Variants in RFX3 observed in about 807,000 individuals in gnomAD.
RFX3 encodes transcription factor RFX3.
A neutral mutation model predicts 98.6 loss-of-function variants in RFX3; 14 were observed. That is an observed-to-expected ratio of 0.14 (90% CI 0.09 to 0.22). RFX3 has a LOEUF of 0.22. Ranked by LOEUF, RFX3 falls within the 10% of genes least tolerant of loss-of-function variation. The probability of loss-of-function intolerance (pLI) is 1.00; values close to 1 mark genes in which losing one functional copy is unlikely to be tolerated. For missense variants in RFX3, 639 were observed against 926.9 expected (o/e 0.69, Z 4.03); for synonymous variants, 383 against 328.4 (o/e 1.17, Z -1.80).
intron 3 of RFX3, among the ~76,000 whole-genome samples, chr9:3,343,365 G>A (rs1834107179): frequency 1.3e-5 from 2 of 152,274 alleles, no homozygotes; most frequent in African/African-American, 4.8e-5. Flanking sequence ...GTGGGACTCC[G>A]ACTGTGATCC....
intron 14 of RFX3, among the ~76,000 whole-genome samples, chr9:3,252,508 A>G (rs934932552): frequency 1.8e-4 from 27 of 152,206 alleles, no homozygotes; most frequent in African/African-American, 6.3e-4. Flanking sequence ...AAACGAACAC[A>G]GGTGAAGAGT....
At chr9:3,525,359 A>C (rs1000087119) in intron 1 of RFX3, among the ~76,000 whole-genome samples, 2 of 152,368 alleles carry the variant, frequency 1.3e-5, no homozygotes, top group African/African-American at 2.4e-5. Flanking sequence ...ACAAATTCTT[A>C]TCTCTTCACC....
chr9:3,405,120 A>G (rs145184866), intron 1 of RFX3, among the ~76,000 whole-genome samples: 1,695 of 152,222 alleles, frequency 0.011, 31 homozygotes, highest in African/African-American at 0.039. Context: ...CTTCCAAGAC[A>G]TTCATTTTTT....
chr9:3,271,549 CTCTTTCTCTCTCTCTT>C (rs1178242468), intron 9 of RFX3, among the ~76,000 whole-genome samples: 22 of 132,636 alleles, frequency 1.7e-4, no homozygotes, highest in Admixed American at 7.4e-4. Context: ...TTCTCTTTCT[CTCTTTCTCTCTCTCTT>C]TCTTTCTTTC....
At chr9:3,250,683 T>C (rs74385804) in intron 14 of RFX3, among the ~76,000 whole-genome samples, 3,770 of 152,068 alleles carry the variant, frequency 0.025, 162 homozygotes, top group African/African-American at 0.086. Flanking sequence ...AAAGTAAATA[T>C]CATTAAAAAG....
At chr9:3,329,418 AAAAAAAAAAAC>A (rs994275358) in intron 4 of RFX3, among the ~76,000 whole-genome samples, 7 of 149,986 alleles carry the variant, frequency 4.7e-5, no homozygotes, top group African/African-American at 1.5e-4. Context: ...AAAAAAAAAA[AAAAAAAAAAAC>A]AAAAAACCAC....
At chr9:3,458,490 C>A (rs979152129) in intron 1 of RFX3, among the ~76,000 whole-genome samples, 1 of 152,134 alleles carries the variant, frequency 6.6e-6, no homozygotes, top group African/African-American at 2.4e-5. Flanking sequence ...TCAGAAACAT[C>A]AGAATTTACC....
At chr9:3,455,035 C>T (rs1010506072) in intron 1 of RFX3, among the ~76,000 whole-genome samples, 3 of 152,172 alleles carry the variant, frequency 2.0e-5, no homozygotes, top group African/African-American at 7.2e-5. Context: ...CCCTCATCCA[C>T]CCAACTGGAA....
At chr9:3,225,319 A>C (rs41312822) in intron 16 of RFX3, 39 bp from the exon 17 acceptor site, 1 of 1,603,670 alleles carries the variant, frequency 6.2e-7, no homozygotes, top group Non-Finnish European at 8.5e-7. Context: ...CATCGAAGAC[A>C]AATTAGAAAA....
intron 4 of RFX3, among the ~76,000 whole-genome samples, chr9:3,303,999 G>T (rs1302628374): frequency 1.3e-5 from 2 of 151,976 alleles, no homozygotes; most frequent in Non-Finnish European, 2.9e-5. Context: ...GAATGGAAAG[G>T]AAGAAATATG....
chr9:3,464,255 A>G (rs1483690794), intron 1 of RFX3, among the ~76,000 whole-genome samples: 6 of 152,236 alleles, frequency 3.9e-5, no homozygotes, highest in Non-Finnish European at 8.8e-5. Context: ...CCCTTATCAT[A>G]TGACTCAGCA....
chr9:3,311,327 C>G (rs1379194607), intron 4 of RFX3, among the ~76,000 whole-genome samples: 1 of 152,104 alleles, frequency 6.6e-6, no homozygotes, highest in Non-Finnish European at 1.5e-5. Flanking sequence ...TAAGACAGAA[C>G]ATTTCTACTT....
intron 1 of RFX3, among the ~76,000 whole-genome samples, chr9:3,492,425 G>C (rs532150795): frequency 2.0e-5 from 3 of 152,330 alleles, no homozygotes; most frequent in Admixed American, 6.5e-5. Context: ...CCTCTGGCCA[G>C]GTACCTCCTT....
chr9:3,462,976 T>A (rs564871856), intron 1 of RFX3, among the ~76,000 whole-genome samples: 1 of 152,132 alleles, frequency 6.6e-6, no homozygotes, highest in African/African-American at 2.4e-5. Context: ...TATTGTTTAA[T>A]ATATTAATTT....
intron 2 of RFX3, among the ~76,000 whole-genome samples, chr9:3,365,892 G>C (rs992206085): frequency 8.6e-5 from 13 of 151,790 alleles, no homozygotes; most frequent in Non-Finnish European, 1.9e-4. Context: ...CAGCCTCCCA[G>C]TGGTAACTCC....
intron 3 of RFX3, among the ~76,000 whole-genome samples, chr9:3,341,019 A>G (rs1457144850): frequency 4.6e-5 from 7 of 152,188 alleles, no homozygotes; most frequent in East Asian, 1.9e-4. Context: ...GTCCAACAAC[A>G]ATAGACTGGA....
intron 3 of RFX3, among the ~76,000 whole-genome samples, chr9:3,337,550 G>C (rs151301221): frequency 6.6e-6 from 1 of 152,314 alleles, no homozygotes; most frequent in Admixed American, 6.5e-5. Context: ...CACACTGTAA[G>C]AGACATGTCA....
At chr9:3,366,349 A>T (rs1837070349) in intron 2 of RFX3, among the ~76,000 whole-genome samples, 1 of 152,098 alleles carries the variant, frequency 6.6e-6, no homozygotes, top group Admixed American at 6.5e-5. Context: ...ACATCTTTGG[A>T]GCTGTTTCCA....
intron 1 of RFX3, among the ~76,000 whole-genome samples, chr9:3,441,304 G>C (rs532524038): frequency 2.0e-5 from 3 of 151,756 alleles, no homozygotes; most frequent in African/African-American, 7.3e-5. Flanking sequence ...GACAGCTACA[G>C]AATTGAGAGA....
Sources: gnomAD v4.1 joint callset for allele counts (sites outside exome capture counted in the v4.1 genomes callset) on GRCh38, gnomAD v4.1.1 for gene constraint, MANE v1.5 for transcripts, NCBI Gene and HGNC (gene_info 2026-07-23, HGNC 2026-07-21) for gene names.